The following RIMS1 variants were observed in gnomAD, a reference collection of about 807,000 sequenced individuals.
The protein encoded by RIMS1 is regulating synaptic membrane exocytosis protein 1.
A neutral mutation model predicts 214.1 loss-of-function variants in RIMS1; 83 were observed. The observed-to-expected ratio is 0.39, with a 90% confidence interval of 0.32 to 0.47. RIMS1 has a LOEUF of 0.47. RIMS1 is among the 20% of genes least tolerant of loss of function. The probability of loss-of-function intolerance (pLI) is 0.99; values close to 1 mark genes in which losing one functional copy is unlikely to be tolerated. For synonymous variants in RIMS1, 793 were observed against 786.8 expected, an observed-to-expected ratio of 1.01 and a Z score of -0.13; for missense variants, 2,050 against 2,161.8, an observed-to-expected ratio of 0.95 and a Z score of 1.03.
In RIMS1 at chr6:72,290,794, A is replaced by G. The variant is rs374089563; in HGVS notation, c.3670A>G (p.Arg1224Gly). ...RSRSSEHSSI[R>G]TLCSMHHLVP... Reference sequence around the variant, plus strand: ...AAGGTCGAGTGAGCACTCTAGTATCAGAACACTGTGTTCTATGCACCACCT... The same window carrying G: ...AAGGTCGAGTGAGCACTCTAGTATCGGAACACTGTGTTCTATGCACCACCT... Residue 1224 changes from arginine to glycine, a missense_variant, in exon 25 of 34, where the codon AGA becomes GGA. This residue lies in a region of RIMS1 where 889 missense variants were observed against 885.5 expected (regional missense o/e 1.00). Transcript: ENST00000521978. 4 of 1,613,710 alleles carry G rather than the reference A, an allele frequency of 2.5e-6. No homozygotes were observed. The African/African-American group carries it at 5.3e-5, about 22-fold the overall frequency.
chr6:71,972,770 A>G (rs1490565249), intron 2 of RIMS1, among the ~76,000 whole-genome samples: 1 of 152,164 alleles, frequency 6.6e-6, no homozygotes, highest in Admixed American at 6.5e-5. Flanking sequence ...AAGTTGGGGG[A>G]GGAGAAGATA....
intron 2 of RIMS1, among the ~76,000 whole-genome samples, chr6:72,089,474 G>T (rs1044471285): frequency 6.6e-6 from 1 of 151,954 alleles, no homozygotes; most frequent in African/African-American, 2.4e-5. Flanking sequence ...ATTAGACAGG[G>T]TCTCACCCTG....
chr6:72,385,718 G>GGGCC (rs1213641026), intron 29 of RIMS1, among the ~76,000 whole-genome samples: 2 of 152,292 alleles, frequency 1.3e-5, no homozygotes, highest in Admixed American at 6.5e-5. Context: ...CCCAGAGTAA[G>GGGCC]GGCCGAACGA....
intron 2 of RIMS1, among the ~76,000 whole-genome samples, chr6:72,003,406 C>CTTG (rs1806043723): frequency 6.6e-6 from 1 of 152,012 alleles, no homozygotes; most frequent in Non-Finnish European, 1.5e-5. Context: ...AGAATGCCTT[C>CTTG]CTGCTTGCCT....
intron 6 of RIMS1, among the ~76,000 whole-genome samples, chr6:72,192,780 G>C (rs948533837): frequency 6.6e-6 from 1 of 152,132 alleles, no homozygotes; most frequent in African/African-American, 2.4e-5. Context: ...CAGATGGAGG[G>C]CTGAAAGGCT....
At chr6:71,955,764 A>G (rs1354641936) in intron 1 of RIMS1, among the ~76,000 whole-genome samples, 1 of 152,108 alleles carries the variant, frequency 6.6e-6, no homozygotes, top group Non-Finnish European at 1.5e-5. Context: ...AATTGTTAAG[A>G]TTTTGATAAA....
chr6:72,398,149 G>A, intron 31 of RIMS1, 100 bp from the exon 32 acceptor site: 1 of 655,652 alleles, frequency 1.5e-6, no homozygotes, highest in Admixed American at 2.5e-5. Flanking sequence ...TCAAAATCAT[G>A]AAGATAAAAA....
chr6:71,916,071 T>C (rs1044422249), intron 1 of RIMS1, among the ~76,000 whole-genome samples: 3 of 152,204 alleles, frequency 2.0e-5, no homozygotes, highest in Admixed American at 1.3e-4. Context: ...AGATGAGATT[T>C]GGGTGGGGAC....
At chr6:72,064,448 G>A (rs1311650119) in intron 2 of RIMS1, among the ~76,000 whole-genome samples, 1 of 152,174 alleles carries the variant, frequency 6.6e-6, no homozygotes, top group Non-Finnish European at 1.5e-5. Context: ...CATATGAATT[G>A]TTGAGGGGAT....
At chr6:72,012,165 T>C (rs927729332) in intron 2 of RIMS1, among the ~76,000 whole-genome samples, 5 of 151,958 alleles carry the variant, frequency 3.3e-5, no homozygotes, top group Non-Finnish European at 5.9e-5. Context: ...AACTGATGAG[T>C]TCGTGTCCTT....
intron 28 of RIMS1, among the ~76,000 whole-genome samples, chr6:72,325,817 GAGTTCATTTT>G (rs1287170328): frequency 6.6e-6 from 1 of 151,794 alleles, no homozygotes; most frequent in African/African-American, 2.4e-5. Context: ...GATCTAACTT[GAGTTCATTTT>G]TTAGTTCTGA....
intron 2 of RIMS1, among the ~76,000 whole-genome samples, chr6:72,012,257 A>C (rs147587794): frequency 0.012 from 1,852 of 152,204 alleles, 44 homozygotes; most frequent in African/African-American, 0.041. Context: ...GCATGTTGTC[A>C]CTCATAGGTG....
At chr6:71,956,359 G>C (rs1411898938) in intron 1 of RIMS1, among the ~76,000 whole-genome samples, 1 of 151,786 alleles carries the variant, frequency 6.6e-6, no homozygotes, top group Non-Finnish European at 1.5e-5. Context: ...CATAATATAA[G>C]TTGAAACTTA....
intron 4 of RIMS1, among the ~76,000 whole-genome samples, chr6:72,162,086 A>G (rs550170376): frequency 7.1e-6 from 1 of 141,008 alleles, no homozygotes; most frequent in East Asian, 2.0e-4. Context: ...TTGGGTGCAC[A>G]TATATTTAGG....
intron 23 of RIMS1, 62 bp from the exon 24 acceptor site, chr6:72,283,985 T>C: frequency 7.7e-7 from 1 of 1,294,348 alleles, no homozygotes; most frequent in Non-Finnish European, 1.1e-6. Context: ...GTGTTTATCA[T>C]TGTATGATGT....
intron 1 of RIMS1, among the ~76,000 whole-genome samples, chr6:71,913,837 T>TAC (rs1234588116): frequency 6.6e-6 from 1 of 152,072 alleles, no homozygotes; most frequent in African/African-American, 2.4e-5. Context: ...CAAATGGGGC[T>TAC]ACACAGCTGG....
At chr6:71,908,214 A>G (rs183645345) in intron 1 of RIMS1, among the ~76,000 whole-genome samples, 2 of 152,158 alleles carry the variant, frequency 1.3e-5, no homozygotes, top group African/African-American at 2.4e-5. Context: ...TAGTCACTTT[A>G]TCTTCTTTTT....
chr6:71,911,264 C>T (rs552623468), intron 1 of RIMS1, among the ~76,000 whole-genome samples: 6 of 152,164 alleles, frequency 3.9e-5, no homozygotes, highest in Non-Finnish European at 8.8e-5. Context: ...CATAGTCTTA[C>T]TCAACTTGGA....
intron 23 of RIMS1, among the ~76,000 whole-genome samples, chr6:72,279,482 A>G (rs2154209013): frequency 6.6e-6 from 1 of 152,056 alleles, no homozygotes; most frequent in Non-Finnish European, 1.5e-5. Flanking sequence ...CACAACTATT[A>G]AGTTGTGAAT....
Sources: gnomAD v4.1 joint callset for allele counts (sites outside exome capture counted in the v4.1 genomes callset) on GRCh38, gnomAD v4.1.1 for gene constraint, gnomAD v4.1.1 regional missense constraint, MANE v1.5 for transcripts, NCBI Gene and HGNC (gene_info 2026-07-23, HGNC 2026-07-21) for gene names.